Variants in UNC13C observed in about 807,000 individuals in gnomAD.
UNC13C encodes the protein protein unc-13 homolog C.
Under a neutral mutation model 245.4 loss-of-function variants are expected in UNC13C, and 174 were observed. The ratio of observed to expected loss-of-function variants is 0.71; its 90% confidence interval spans 0.63 to 0.80. UNC13C has a LOEUF of 0.80. Among genes scored for constraint, UNC13C ranks in the 30% least tolerant of loss-of-function variants. The pLI is 0.00. For missense variants in UNC13C, 2,829 were observed against 2,602.9 expected (o/e 1.09, Z -1.89); for synonymous variants, 992 against 895.1 (o/e 1.11, Z -1.93).
At chr15:54,050,772 G>T in intron 2 of UNC13C, 1 of 586,208 alleles carries the variant, frequency 1.7e-6, no homozygotes, top group Non-Finnish European at 3.3e-6. Flanking sequence ...TTCACTATCT[G>T]GTGATCATCA....
At chr15:54,548,850 C>A (rs190757481) in intron 27 of UNC13C, among the ~76,000 whole-genome samples, 18 of 152,244 alleles carry the variant, frequency 1.2e-4, no homozygotes, top group Admixed American at 3.3e-4. Flanking sequence ...TGAGCTCCTA[C>A]TATGTACTAG....
intron 17 of UNC13C, among the ~76,000 whole-genome samples, chr15:54,360,727 C>A (rs567134601): frequency 6.6e-6 from 1 of 152,020 alleles, no homozygotes; most frequent in Non-Finnish European, 1.5e-5. Flanking sequence ...TCCTGGATAG[C>A]TTTTCTTAGT....
intron 30 of UNC13C, among the ~76,000 whole-genome samples, chr15:54,583,614 T>C (rs1274031144): frequency 1.3e-5 from 2 of 152,196 alleles, no homozygotes; most frequent in African/African-American, 4.8e-5. Context: ...ATAATAGAAA[T>C]GATTTAAAAG....
chr15:54,152,356 A>T (rs1186801494), intron 4 of UNC13C, among the ~76,000 whole-genome samples: 3 of 152,176 alleles, frequency 2.0e-5, no homozygotes, highest in African/African-American at 7.2e-5. Flanking sequence ...GATGAGAAAA[A>T]AGTATTGTAT....
chr15:54,580,306 G>C (rs1000248946), intron 30 of UNC13C, among the ~76,000 whole-genome samples: 7 of 152,166 alleles, frequency 4.6e-5, no homozygotes, highest in Non-Finnish European at 8.8e-5. Flanking sequence ...GTTAAGCCTT[G>C]TTATTACGTG....
At chr15:54,340,104 A>G (rs1312599200) in intron 17 of UNC13C, among the ~76,000 whole-genome samples, 2 of 152,032 alleles carry the variant, frequency 1.3e-5, no homozygotes, top group Non-Finnish European at 2.9e-5. Flanking sequence ...AGAACTGTCT[A>G]TTCATGTCCT....
chr15:53,982,378 T>G lies in UNC13C; in HGVS notation c.-257+3451T>G, dbSNP rs756446789. Among the ~76,000 whole-genome samples, 7 of 152,212 alleles carry G rather than the reference T, an allele frequency of 4.6e-5. No homozygotes were observed. In the South Asian group the frequency reaches 8.3e-4, roughly 18 times the overall value. On this transcript the variant is annotated intron_variant, in intron 1 of 32. Transcript: ENST00000260323. ...ACTCTAGAAGTAGCTTCTCGAAGCA[T>G]GTAAAATATAAAAGAAAAAGAGCAG...
In UNC13C at chr15:54,300,281, A is replaced by C. The variant is rs1461939020; in HGVS notation, c.4176A>C (p.Glu1392Asp). The C allele has an allele frequency of 5.0e-6, 8 of 1,595,292 alleles. No individual in the cohort carries two copies. The highest frequency in any genetic ancestry group is 6.8e-6 in the Non-Finnish European group (8 of 1,169,988). ...AAATCCCAGAAGTCAAAGGGGATGA[A>C]GCCTGGAAGGTTTTCTTTGATGATG... is the stretch of plus-strand genomic sequence containing the variant. ...GVKIPEVKGD[E>D]AWKVFFDDAS... Residue 1392 changes from glutamate to aspartate, a missense_variant, in exon 13 of 33, where the codon GAA (glutamate) becomes GAC (aspartate). Coordinates refer to ENST00000260323, the MANE Select transcript of UNC13C (RefSeq NM_001080534.3).
intron 8 of UNC13C, among the ~76,000 whole-genome samples, chr15:54,258,043 A>G (rs1159788535): frequency 6.6e-6 from 1 of 152,166 alleles, no homozygotes; most frequent in Non-Finnish European, 1.5e-5. Context: ...AGGCTCCTGG[A>G]GAAAGAAAGG....
the UNC13C span, among the ~76,000 whole-genome samples, chr15:53,845,889 G>A: frequency 1.1e-4 from 17 of 152,120 alleles, no homozygotes; most frequent in South Asian, 2.1e-4. Flanking sequence ...ACAGTTCCCC[G>A]CTTAGGATGG....
intron 10 of UNC13C, among the ~76,000 whole-genome samples, chr15:54,275,459 A>T (rs1176885271): frequency 6.6e-6 from 1 of 152,030 alleles, no homozygotes; most frequent in East Asian, 1.9e-4. Flanking sequence ...GAACCACTTG[A>T]ATATTTTTTA....
At chr15:54,258,658 C>T (rs542001471) in intron 8 of UNC13C, among the ~76,000 whole-genome samples, 2 of 152,182 alleles carry the variant, frequency 1.3e-5, no homozygotes, top group African/African-American at 2.4e-5. Context: ...TGTGAGCCAC[C>T]ACTCCTGGCC....
intron 19 of UNC13C, among the ~76,000 whole-genome samples, chr15:54,489,513 A>G (rs962258308): frequency 5.3e-5 from 8 of 152,192 alleles, no homozygotes; most frequent in African/African-American, 1.7e-4. Flanking sequence ...ATATGTATGT[A>G]TATGTATGCA....
At chr15:54,105,736 G>A (rs1269582380) in intron 2 of UNC13C, among the ~76,000 whole-genome samples, 3 of 152,188 alleles carry the variant, frequency 2.0e-5, no homozygotes. Context: ...TAAGGTAGTA[G>A]GAATGAATAG....
At chr15:54,613,041 A>T (rs1900206603) in intron 30 of UNC13C, among the ~76,000 whole-genome samples, 1 of 151,894 alleles carries the variant, frequency 6.6e-6, no homozygotes, top group Admixed American at 6.6e-5. Context: ...TTTGTCTCTC[A>T]AGAACAAGAG....
intron 26 of UNC13C, among the ~76,000 whole-genome samples, chr15:54,539,398 AAG>A (rs1345476402): frequency 1.3e-5 from 2 of 151,990 alleles, no homozygotes; most frequent in African/African-American, 2.4e-5. Context: ...GAAGTAAAGA[AAG>A]AGAGAAGGAG....
At position 54,315,649 on chromosome 15, in the gene UNC13C, T is replaced by C. The variant is rs373063571; in HGVS notation, c.4269-6290T>C. 7.5e-4 allele frequency among the ~76,000 whole-genome samples: 114 copies of C among 151,858 alleles called. 1 individual carries two copies. The South Asian group carries it at 0.017, about 22-fold the overall frequency. On this transcript the variant is annotated intron_variant, in intron 13 of 32. Coordinates refer to ENST00000260323, the MANE Select transcript of UNC13C (RefSeq NM_001080534.3). ...GATGATGATCCCAAATCTAGGTGTT[T>C]AGTCCATGTCTCCAAAAACCAGTAA...
chr15:53,859,073 T>C, the UNC13C span, among the ~76,000 whole-genome samples: 1 of 152,118 alleles, frequency 6.6e-6, no homozygotes, highest in African/African-American at 2.4e-5. Flanking sequence ...GTTTTGTAAA[T>C]GGGCATGTAC....
intron 2 of UNC13C, among the ~76,000 whole-genome samples, chr15:54,021,545 G>T (rs1178675515): frequency 6.6e-6 from 1 of 152,190 alleles, no homozygotes; most frequent in Non-Finnish European, 1.5e-5. Context: ...AGACCGTGTA[G>T]TGTTCCATTG....
Sources: allele counts gnomAD v4.1 joint callset (sites outside exome capture counted in the v4.1 genomes callset), GRCh38; gene constraint gnomAD v4.1.1; transcripts MANE v1.5; gene names NCBI Gene and HGNC (gene_info 2026-07-23, HGNC 2026-07-21).